GPC5: variants seen among roughly 807,000 people sequenced by gnomAD.
The protein encoded by GPC5 is glypican-5.
A neutral mutation model predicts 53.9 loss-of-function variants in GPC5; 47 were observed. The observed-to-expected ratio is 0.87, with a 90% CI of 0.69 to 1.11. GPC5 has a LOEUF of 1.11. GPC5 is among the 50% of genes most tolerant of loss of function. The probability of loss-of-function intolerance (pLI) is 0.00; values close to 1 mark genes in which losing one functional copy is unlikely to be tolerated. For missense variants in GPC5, 748 were observed against 713.1 expected (o/e 1.05, Z -0.56); for synonymous variants, 286 against 263.3 (o/e 1.09, Z -0.84).
At chr13:91,534,140 T>C (rs1314792546) in intron 2 of GPC5, among the ~76,000 whole-genome samples, 1 of 152,196 alleles carries the variant, frequency 6.6e-6, no homozygotes, top group African/African-American at 2.4e-5. Flanking sequence ...TTCATGATTA[T>C]ATATTATGAT....
At chr13:91,591,684 A>G (rs2032805202) in intron 2 of GPC5, among the ~76,000 whole-genome samples, 1 of 152,108 alleles carries the variant, frequency 6.6e-6, no homozygotes, top group African/African-American at 2.4e-5. Context: ...CAAATAACTC[A>G]TTTTTCAAGC....
chr13:91,851,278 T>C (rs1487769073), intron 5 of GPC5, among the ~76,000 whole-genome samples: 1 of 151,948 alleles, frequency 6.6e-6, no homozygotes, highest in African/African-American at 2.4e-5. Flanking sequence ...AGTAAACAGA[T>C]CTAAACATGG....
At chr13:91,936,601 C>T (rs2039873612) in intron 6 of GPC5, among the ~76,000 whole-genome samples, 1 of 151,872 alleles carries the variant, frequency 6.6e-6, no homozygotes, top group African/African-American at 2.4e-5. Context: ...TTCAGTCTAC[C>T]ACATAAGGGG....
intron 6 of GPC5, among the ~76,000 whole-genome samples, chr13:92,119,083 T>C (rs1249083726): frequency 6.6e-6 from 1 of 152,174 alleles, no homozygotes; most frequent in African/African-American, 2.4e-5. Context: ...TGACTCATAG[T>C]TCCACTTGGC....
intron 5 of GPC5, among the ~76,000 whole-genome samples, chr13:91,800,785 A>T (rs551118284): frequency 1.3e-5 from 2 of 152,188 alleles, no homozygotes; most frequent in East Asian, 3.9e-4. Flanking sequence ...TAGACATGGA[A>T]GTCTAGAGTC....
intron 1 of GPC5, among the ~76,000 whole-genome samples, chr13:91,439,835 C>T (rs551786305): frequency 6.6e-5 from 10 of 152,210 alleles, no homozygotes; most frequent in East Asian, 1.9e-4. Context: ...ACAGAAACAC[C>T]GATTCTCAAA....
At chr13:92,093,827 A>G (rs536691456) in intron 6 of GPC5, among the ~76,000 whole-genome samples, 2 of 152,366 alleles carry the variant, frequency 1.3e-5, no homozygotes, top group East Asian at 3.9e-4. Flanking sequence ...AAACATGTTT[A>G]AAAGATTAAA....
chr13:92,404,056 TATG>T (rs1477020433), intron 7 of GPC5, among the ~76,000 whole-genome samples: 1 of 152,236 alleles, frequency 6.6e-6, no homozygotes, highest in Non-Finnish European at 1.5e-5. Context: ...TTAACTGCAT[TATG>T]AACTTGTCCA....
At chr13:92,684,911 GT>G (rs1887214556) in intron 7 of GPC5, among the ~76,000 whole-genome samples, 1 of 152,088 alleles carries the variant, frequency 6.6e-6, no homozygotes, top group African/African-American at 2.4e-5. Context: ...AGTAGTATTG[GT>G]ATTTTGGATT....
intron 7 of GPC5, among the ~76,000 whole-genome samples, chr13:92,352,152 A>T (rs148172017): frequency 1.1e-4 from 17 of 152,314 alleles, no homozygotes; most frequent in African/African-American, 3.8e-4. Flanking sequence ...TCATTATATG[A>T]CAAAATTGGC....
chr13:92,706,936 T>G (rs562201517), intron 7 of GPC5, among the ~76,000 whole-genome samples: 1 of 152,284 alleles, frequency 6.6e-6, no homozygotes, highest in South Asian at 2.1e-4. Flanking sequence ...GGGGCTCCCA[T>G]GATTGGGATA....
At chr13:92,177,596 A>G (rs1027782197) in intron 7 of GPC5, among the ~76,000 whole-genome samples, 1 of 152,206 alleles carries the variant, frequency 6.6e-6, no homozygotes, top group Non-Finnish European at 1.5e-5. Flanking sequence ...AACCTAGATC[A>G]GATATGCACA....
intron 4 of GPC5, among the ~76,000 whole-genome samples, chr13:91,740,577 T>C (rs1419563865): frequency 6.6e-6 from 1 of 152,200 alleles, no homozygotes; most frequent in Non-Finnish European, 1.5e-5. Flanking sequence ...CATTTCTGTT[T>C]ATATAGCATG....
intron 7 of GPC5, among the ~76,000 whole-genome samples, chr13:92,322,838 G>A (rs2043225010): frequency 6.6e-6 from 1 of 151,974 alleles, no homozygotes; most frequent in Non-Finnish European, 1.5e-5. Context: ...GCCATCACAA[G>A]CATTATTTAA....
At chr13:92,513,852 CT>C (rs1880672584) in intron 7 of GPC5, among the ~76,000 whole-genome samples, 2 of 152,032 alleles carry the variant, frequency 1.3e-5, no homozygotes, top group South Asian at 4.1e-4. Flanking sequence ...AATGTTTTGA[CT>C]GCATTTTGAC....
At position 91,432,209 on chromosome 13, in the gene GPC5, G is replaced by GCTGCTGCTGC. The variant is rs1196894187; in HGVS notation, c.164-16552_164-16551insCTGCTGCTGC. Among the ~76,000 whole-genome samples the GCTGCTGCTGC allele has an allele frequency of 2.3e-3, 244 of 105,654 alleles. 2 individuals are homozygous for GCTGCTGCTGC. Among genetic ancestry groups the GCTGCTGCTGC allele is most frequent in the African/African-American group, 8.8e-3 (225 of 25,610 alleles). 69.3% of individuals were successfully genotyped at this position (105,654 alleles called of 152,430 possible). A position where few individuals can be genotyped will look rare whatever the true frequency, so the allele number is the denominator to read the frequency against. ...ACTGCTGCTGCTGCTGCTGCTGTGT[G>GCTGCTGCTGC]TGTGTGTGTGTGTGTGTGTGTGTGT... On this transcript the variant is annotated intron_variant, in intron 1 of 7. Coordinates refer to ENST00000377067, the MANE Select transcript of GPC5 (RefSeq NM_004466.6).
intron 2 of GPC5, among the ~76,000 whole-genome samples, chr13:91,615,276 T>C (rs1322244850): frequency 6.6e-6 from 1 of 152,206 alleles, no homozygotes; most frequent in Non-Finnish European, 1.5e-5. Flanking sequence ...AACTGGCCTT[T>C]TGTATATGGC....
intron 7 of GPC5, among the ~76,000 whole-genome samples, chr13:92,372,143 G>A (rs550118351): frequency 5.9e-5 from 9 of 152,264 alleles, no homozygotes; most frequent in Middle Eastern, 3.4e-3. Context: ...TCAGCCTTGC[G>A]ACACTCTAGG....
intron 6 of GPC5, among the ~76,000 whole-genome samples, chr13:92,082,921 C>T (rs537846799): frequency 1.3e-5 from 2 of 152,188 alleles, no homozygotes; most frequent in Middle Eastern, 3.4e-3. Flanking sequence ...TACCTGGGAT[C>T]ATGAAATCAA....
Sources: allele counts gnomAD v4.1 joint callset (sites outside exome capture counted in the v4.1 genomes callset), GRCh38; gene constraint gnomAD v4.1.1; transcripts MANE v1.5; gene names NCBI Gene and HGNC (gene_info 2026-07-23, HGNC 2026-07-21).